Variants in NAV2 observed in about 807,000 individuals in gnomAD.
The protein encoded by NAV2 is helicase, APC down-regulated 1.
A neutral mutation model predicts 223.2 loss-of-function variants in NAV2; 54 were observed. The observed-to-expected ratio is 0.24, with a 90% CI of 0.19 to 0.30. The LOEUF (loss-of-function observed/expected upper bound fraction) is 0.30, where lower values mean the gene tolerates loss of function less well. Ranked by LOEUF, NAV2 falls within the 10% of genes least tolerant of loss-of-function variation. The pLI is 1.00. For synonymous variants in NAV2, 1,279 were observed against 1,239.3 expected (o/e 1.03, Z -0.67); for missense variants, 2,806 against 3,147.5 (o/e 0.89, Z 2.60).
intron 1 of NAV2, among the ~76,000 whole-genome samples, chr11:19,778,697 T>G (rs905500563): frequency 2.0e-5 from 3 of 152,256 alleles, no homozygotes; most frequent in African/African-American, 7.2e-5. Flanking sequence ...TTTAAGCTAC[T>G]ATTTTACAAC....
intron 1 of NAV2, among the ~76,000 whole-genome samples, chr11:19,430,331 T>A (rs754308887): frequency 7.2e-5 from 11 of 152,210 alleles, no homozygotes; most frequent in Non-Finnish European, 8.8e-5. Flanking sequence ...CCTCGGCATG[T>A]GGTCTCTGCC....
chr11:19,372,458 A>C (rs189934617), intron 1 of NAV2, among the ~76,000 whole-genome samples: 4 of 152,298 alleles, frequency 2.6e-5, no homozygotes, highest in East Asian at 3.9e-4. Context: ...TTTTCTTCAG[A>C]TGGAGCTTGG....
At chr11:19,947,863 G>C (rs947619538) in intron 9 of NAV2, among the ~76,000 whole-genome samples, 2 of 152,114 alleles carry the variant, frequency 1.3e-5, no homozygotes, top group African/African-American at 4.8e-5. Flanking sequence ...ACTTTAGAGG[G>C]TTAGAAAATT....
At chr11:19,345,949 G>C (rs967623902), upstream of NAV2, among the ~76,000 whole-genome samples, 13 of 152,162 alleles carry the variant, frequency 8.5e-5, no homozygotes, top group Non-Finnish European at 1.3e-4. The surrounding 1 kb of genome is among the most constrained non-coding windows in gnomAD (Gnocchi z 5.2). Flanking sequence ...ATGGGTGTCT[G>C]TGAACGCCCT....
At chr11:19,516,647 G>T (rs1214951601) in intron 1 of NAV2, among the ~76,000 whole-genome samples, 2 of 152,166 alleles carry the variant, frequency 1.3e-5, no homozygotes, top group African/African-American at 4.8e-5. Context: ...TTGCAATTTT[G>T]GCTAGCTCTA....
At chr11:19,360,795 A>G (rs1396276030) in intron 1 of NAV2, among the ~76,000 whole-genome samples, 3 of 152,186 alleles carry the variant, frequency 2.0e-5, no homozygotes, top group African/African-American at 7.2e-5. Flanking sequence ...GGAGTGATGG[A>G]ATCATCTCTT....
In NAV2 at chr11:20,090,988, C is replaced by T. The variant is rs758337454; in HGVS notation, c.5622C>T (p.Asp1874=). Residue 1874 remains aspartate, a synonymous_variant, in exon 27 of 38, where the codon GAC becomes GAT. Transcript: ENST00000349880. ...LEALSSAHQL[D]QLREAMNRMQ... Reference sequence around the variant, plus strand: ...CTCTCAGTTCTGCCCACCAGCTGGACCAGCTCCGGGAGGCCATGAACAGGA... The same window carrying T: ...CTCTCAGTTCTGCCCACCAGCTGGATCAGCTCCGGGAGGCCATGAACAGGA... 3.1e-6 allele frequency: 5 copies of T among 1,613,740 alleles called. No homozygotes were observed. In the Admixed American group the frequency reaches 8.3e-5, roughly 27 times the overall value.
chr11:19,421,509 A>G (rs1850611583), intron 1 of NAV2, among the ~76,000 whole-genome samples: 1 of 152,224 alleles, frequency 6.6e-6, no homozygotes, highest in Admixed American at 6.5e-5. Flanking sequence ...AGGAAGGAAT[A>G]TAATCAGTGC....
intron 1 of NAV2, among the ~76,000 whole-genome samples, chr11:19,721,553 A>C (rs2050752412): frequency 6.6e-6 from 1 of 152,236 alleles, no homozygotes. Context: ...ATCTTCAAAA[A>C]TGTCAGTGTC....
chr11:19,704,966 A>G (rs559079983), intron 1 of NAV2, among the ~76,000 whole-genome samples: 3 of 149,846 alleles, frequency 2.0e-5, no homozygotes, highest in African/African-American at 7.4e-5. Flanking sequence ...AGCAGAGATC[A>G]TGCCACTGCA....
At chr11:19,931,646 G>T (rs931641261) in intron 6 of NAV2, 1 of 149,622 alleles carries the variant, frequency 6.7e-6, no homozygotes, top group Non-Finnish European at 1.5e-5. Context: ...CAGGCTTCTG[G>T]GCACTGGAGT....
At chr11:19,984,066 A>G in intron 10 of NAV2, 59 bp from the exon 11 acceptor site, 1 of 1,611,320 alleles carries the variant, frequency 6.2e-7, no homozygotes, top group Non-Finnish European at 8.5e-7. Flanking sequence ...ATATGAATGC[A>G]AGCCTGGAAG....
chr11:19,776,431 C>A (rs1408334113), intron 1 of NAV2, among the ~76,000 whole-genome samples: 1 of 152,172 alleles, frequency 6.6e-6, no homozygotes, highest in Admixed American at 6.5e-5. Context: ...TCTGTCGCTG[C>A]CTGACCTCTC....
At chr11:19,587,127 T>C (rs984798888) in intron 1 of NAV2, among the ~76,000 whole-genome samples, 8 of 152,184 alleles carry the variant, frequency 5.3e-5, no homozygotes, top group African/African-American at 1.9e-4. Context: ...TGATCTCAGA[T>C]TGCTGTGCTA....
chr11:19,352,281 A>G lies in NAV2; in HGVS notation c.75+1254A>G, dbSNP rs563561896. Among the ~76,000 whole-genome samples the G allele has an allele frequency of 2.9e-3, 440 of 152,330 alleles. 4 individuals carry two copies. Among genetic ancestry groups the G allele is most frequent in the African/African-American group, 0.01 (420 of 41,572 alleles). The stretch of plus-strand genomic sequence containing the variant: ...GAGAGATAGGAGAAAAATCAATAAT[A>G]GTTGTGAACAGAACCCAGGATTGAT... On this transcript the variant is annotated intron_variant, in intron 1 of 37. Transcript: ENST00000360655.
chr11:19,788,864 G>A (rs1361902983), intron 1 of NAV2, among the ~76,000 whole-genome samples: 1 of 152,020 alleles, frequency 6.6e-6, no homozygotes, highest in Non-Finnish European at 1.5e-5. Context: ...CTCCTTCACA[G>A]AGACCTTCCC....
rs1040926362 is a variant in NAV2, at chr11:19,784,881, TTCA to T, written c.268-47584_268-47582del. On this transcript the variant is annotated intron_variant, in intron 1 of 37. Coordinates refer to ENST00000349880, the MANE Select transcript of NAV2 (RefSeq NM_145117.5). Reference sequence around the variant, plus strand: ...ACACCTCATAAAGAGTCAACAGAAATTCATCATCATCATCATCATCAGATCGAG... The same window carrying T: ...ACACCTCATAAAGAGTCAACAGAAATTCATCATCATCATCATCAGATCGAG... 1.4e-4 allele frequency among the ~76,000 whole-genome samples: 21 copies of T among 151,984 alleles called. 1 individual carries two copies. The highest frequency in any genetic ancestry group is 1.0e-4 in the Non-Finnish European group (7 of 67,992).
At chr11:20,050,314 C>T (rs558245483) in intron 16 of NAV2, among the ~76,000 whole-genome samples, 6 of 152,266 alleles carry the variant, frequency 3.9e-5, no homozygotes, top group African/African-American at 1.4e-4. Flanking sequence ...TCTACCCCTC[C>T]CCATGCAGCT....
chr11:20,032,015 T>C (rs953309826), intron 11 of NAV2, among the ~76,000 whole-genome samples: 6 of 152,208 alleles, frequency 3.9e-5, no homozygotes, highest in Non-Finnish European at 8.8e-5. Context: ...TGGTGGCTCC[T>C]GATCATTTGT....
Sources: gnomAD v4.1 joint callset for allele counts (sites outside exome capture counted in the v4.1 genomes callset) on GRCh38, gnomAD v4.1.1 for gene constraint, Gnocchi (gnomAD v3.1) non-coding constraint, MANE v1.5 for transcripts, NCBI Gene and HGNC (gene_info 2026-07-23, HGNC 2026-07-21) for gene names.